Variants in PRPF40B observed in about 807,000 individuals in gnomAD.
The protein encoded by PRPF40B is pre-mRNA processing factor 40B, also known as pre-mRNA-processing factor 40 homolog B.
PRPF40B carries 56 observed loss-of-function variants against 124.5 expected under a neutral mutation model. The observed-to-expected ratio is 0.45, with a 90% confidence interval of 0.36 to 0.56. The LOEUF (loss-of-function observed/expected upper bound fraction) is 0.56. Among genes scored for constraint, PRPF40B ranks in the 20% least tolerant of loss-of-function variants. The probability of loss-of-function intolerance (pLI) is 0.00; values close to 1 mark genes in which losing one functional copy is unlikely to be tolerated. For missense variants in PRPF40B, 1,053 were observed against 1,169.5 expected (o/e 0.90, Z 1.45); for synonymous variants, 443 against 426.4 (o/e 1.04, Z -0.48).
At position 49,637,460 on chromosome 12, in the gene PRPF40B, C is replaced by G; in HGVS notation, c.1561-10C>G. ...CTCACTCTCCCTATAACTGGCCTCT[C>G]CCTGCTCAGACCTTCCTGGACGAGC... On this transcript the variant is annotated splice_polypyrimidine_tract_variant and intron_variant, in intron 16 of 25. Coordinates refer to ENST00000548825, the MANE Select transcript of PRPF40B (RefSeq NM_001031698.3). 2 of 1,607,418 alleles carry G rather than the reference C, an allele frequency of 1.2e-6. No homozygotes were observed. The highest frequency in any genetic ancestry group is 1.7e-6 in the Non-Finnish European group (2 of 1,175,314).
At chr12:49,632,674 A>C (rs768093779) in intron 5 of PRPF40B, 51 bp downstream of exon 5, 1 of 1,606,466 alleles carries the variant, frequency 6.2e-7, no homozygotes, top group Non-Finnish European at 8.5e-7. Context: ...TGGGGGGCAT[A>C]GGGGAGAGGG....
In PRPF40B at chr12:49,632,996, G is replaced by GGGGGGGGGGC; in HGVS notation, c.349-18_349-17insGGGGGGGGGC. ...AAAGGGGCCTTGACCACCATTCTGT[G>GGGGGGGGGGC]CCCCCCCCCCCACCCAGAGGGCCCT... On this transcript the variant is annotated splice_polypyrimidine_tract_variant and intron_variant, in intron 6 of 25. Coordinates refer to ENST00000548825, the MANE Select transcript of PRPF40B (RefSeq NM_001031698.3). The GGGGGGGGGGC allele has an allele frequency of 1.1e-5, 13 of 1,147,378 alleles. No individual in the cohort carries two copies. The highest frequency in any genetic ancestry group is 1.5e-5 in the Non-Finnish European group (12 of 822,992). The allele number at this position is 1,147,378 out of a possible 1,614,324, so 71.1% of individuals were successfully genotyped here.
At chr12:49,636,627 G>A in intron 15 of PRPF40B, 89 bp from the exon 16 acceptor site, 2 of 1,575,726 alleles carry the variant, frequency 1.3e-6, no homozygotes, top group Non-Finnish European at 1.7e-6. Flanking sequence ...AGCACCTGTA[G>A]GACAGCATCG....
In PRPF40B at chr12:49,633,442, T is replaced by C. The variant is rs767092050; in HGVS notation, c.475T>C (p.Cys159Arg). 3.1e-6 allele frequency: 5 copies of C among 1,614,054 alleles called. No individual in the cohort carries two copies. The highest frequency in any genetic ancestry group is 4.2e-6 in the Non-Finnish European group (5 of 1,180,026). Reference protein sequence around the residue: ...KSKAELLLSQCPWKEYKSDTG... With the variant: ...KSKAELLLSQRPWKEYKSDTG... ...CCACTTGCAGCTGCTCCTGTCCCAA[T>C]GTCCCTGGAAAGAGTACAAGTCGGA... The change falls in exon 8 of 26, where the codon TGT becomes CGT. Residue 159 changes from cysteine to arginine, a missense_variant. Coordinates refer to ENST00000548825, the MANE Select transcript of PRPF40B (RefSeq NM_001031698.3).
chr12:49,623,577 T>C lies in PRPF40B; in HGVS notation c.-14T>C. The C allele has an allele frequency of 5.7e-6, 7 of 1,235,374 alleles. No individual in the cohort carries two copies. The highest frequency in any genetic ancestry group is 7.1e-6 in the Non-Finnish European group (7 of 990,168). The allele number at this position is 1,235,374 out of a possible 1,614,324, so 76.5% of individuals were successfully genotyped here. The stretch of plus-strand genomic sequence containing the variant: ...GGGTGGGCTGAGCCGGCCCAGCTGC[T>C]CGGAGGCTCTGGCATGGTAACATCC... On this transcript the variant is annotated 5_prime_UTR_variant, in exon 1 of 26. Coordinates refer to ENST00000548825, the MANE Select transcript of PRPF40B (RefSeq NM_001031698.3).
Position 49,631,999 on chromosome 12 carries a change from T to TA in PRPF40B, c.294+74_294+75insA. ...GAGTCTGACTTGGAATGCAGGACTA[T>TA]GACCTCCATTCTTTCCCTCTTCTCA... On this transcript the variant is annotated intron_variant, in intron 4 of 25. Transcript: ENST00000548825. The surrounding 1 kb of genome is among the most constrained non-coding windows in gnomAD (Gnocchi z 4.3). 1 of 1,391,952 alleles carries TA rather than the reference T, an allele frequency of 7.2e-7. No homozygotes were observed. Among genetic ancestry groups the TA allele is most frequent in the Non-Finnish European group, 1.0e-6 (1 of 980,274 alleles). The allele number at this position is 1,391,952 out of a possible 1,614,324, so 86.2% of individuals were successfully genotyped here. A position where few individuals can be genotyped will look rare whatever the true frequency, so the allele number is the denominator to read the frequency against.
Position 49,644,127 on chromosome 12 carries a change from C to G in PRPF40B, c.2614C>G (p.Leu872Val). The change falls in exon 26 of 26, where the codon CTG becomes GTG. Residue 872 changes from leucine (L) to valine (V), a missense_variant. By Grantham distance (32) the Leu-to-Val change is conservative. This residue lies in a region of PRPF40B where 895 missense variants were observed against 1,052.2 expected (regional missense o/e 0.85). Transcript: ENST00000548825. ...AGGCTGGGACACGTCAGAAAGTGAG[C>G]TGAGTGAGGGTGAGCTGGAGAGGCG... ...KTGWDTSESE[L>V]SEGELERRRR... 2.5e-6 allele frequency: 4 copies of G among 1,614,166 alleles called. No homozygotes were observed. The highest frequency in any genetic ancestry group is 3.4e-6 in the Non-Finnish European group (4 of 1,180,042).
Position 49,634,071 on chromosome 12 carries a change from A to G in PRPF40B, c.791A>G (p.Gln264Arg). Residue 264 changes from glutamine (Q) to arginine (R), a missense_variant, in exon 10 of 26, where the codon CAG (glutamine) becomes CGG (arginine). Transcript: ENST00000548825. ...TQPLEQGFLQ[Q>R]LEEGPSSSGQ... is the part of the protein sequence containing the mutation. ...CCCCTGGAACAGGGGTTCCTGCAGC[A>G]GCTGGAGGAGGGCCCCAGCAGGTGA... 2 of 1,612,978 alleles carry G rather than the reference A, an allele frequency of 1.2e-6. No individual in the cohort carries two copies. The highest frequency in any genetic ancestry group is 1.7e-6 in the Non-Finnish European group (2 of 1,179,848).
At chr12:49,636,550 T>G in intron 15 of PRPF40B, 166 bp from the exon 16 acceptor site, 1 of 711,866 alleles carries the variant, frequency 1.4e-6, no homozygotes, top group Non-Finnish European at 2.3e-6. Flanking sequence ...TCTTAAGAAC[T>G]ACCATTGCAG....
At chr12:49,623,015 C>A (rs1365177082), upstream of PRPF40B, among the ~76,000 whole-genome samples, 1 of 151,328 alleles carries the variant, frequency 6.6e-6, no homozygotes, top group Non-Finnish European at 1.5e-5. Context: ...GCGAGAAGCA[C>A]GTGTACGCCC....
intron 15 of PRPF40B, 83 bp from the exon 16 acceptor site, chr12:49,636,633 C>T: frequency 6.3e-7 from 1 of 1,583,580 alleles, no homozygotes; most frequent in Non-Finnish European, 8.6e-7. Context: ...TGTAGGACAG[C>T]ATCGTTGAAA....
intron 18 of PRPF40B, 125 bp from the exon 19 acceptor site, chr12:49,641,783 C>G: frequency 1.3e-6 from 1 of 742,732 alleles, no homozygotes; most frequent in Non-Finnish European, 2.3e-6. Flanking sequence ...TAATGCAGAC[C>G]ACAGTCCTGT....
Position 49,628,404 on chromosome 12 carries a change from G to T in PRPF40B, c.4-2141G>T, listed in dbSNP as rs574998328. ...GCCTCCCCAGTAGCTGAGACTACAG[G>T]CGTGTGCCACCACACCTGGCTAATT... On this transcript the variant is annotated intron_variant, in intron 1 of 25. Coordinates refer to ENST00000548825, the MANE Select transcript of PRPF40B (RefSeq NM_001031698.3). Among the ~76,000 whole-genome samples the T allele has an allele frequency of 2.6e-5, 4 of 152,098 alleles. No individual in the cohort carries two copies. The East Asian group carries it at 7.7e-4, about 29-fold the overall frequency.
intron 22 of PRPF40B, 21 bp from the exon 23 acceptor site, chr12:49,643,202 T>C (rs1293006179): frequency 1.4e-5 from 22 of 1,613,508 alleles, no homozygotes; most frequent in East Asian, 2.2e-5. Context: ...TGCACTGACA[T>C]GTATCTGCTG....
chr12:49,630,087 C>T (rs1402193837), intron 1 of PRPF40B, among the ~76,000 whole-genome samples: 1 of 152,186 alleles, frequency 6.6e-6, no homozygotes, highest in Non-Finnish European at 1.5e-5. Flanking sequence ...GAGCTTTGGA[C>T]TGAATCTCTG....
rs759127357 is a variant in PRPF40B, at chr12:49,636,791, G to A, written c.1502G>A (p.Arg501Gln). Reference sequence around the variant, plus strand: ...TTGGAGAGGGAAGAGGAGGAGGAACGGGAGCGGGCCCGGCTTCGGGAGCGA... The same window carrying A: ...TTGGAGAGGGAAGAGGAGGAGGAACAGGAGCGGGCCCGGCTTCGGGAGCGA... ...RALEREEEEERERARLRERRQ... is the reference protein window; with the variant it reads ...RALEREEEEEQERARLRERRQ... The change falls in exon 16 of 26, where the codon CGG becomes CAG. Residue 501 changes from arginine (R) to glutamine (Q), a missense_variant. Around this residue, in one of 2 missense-constraint regions of PRPF40B, gnomAD observed 895 missense variants for 1,052.2 expected, o/e 0.85. Coordinates refer to ENST00000548825, the MANE Select transcript of PRPF40B (RefSeq NM_001031698.3). 6.8e-6 allele frequency: 11 copies of A among 1,614,120 alleles called. No homozygotes were observed. The highest frequency in any genetic ancestry group is 1.7e-5 in the Admixed American group (1 of 60,010).
intron 1 of PRPF40B, among the ~76,000 whole-genome samples, chr12:49,628,087 C>T (rs1277226870): frequency 6.6e-6 from 1 of 152,108 alleles, no homozygotes; most frequent in Non-Finnish European, 1.5e-5. Flanking sequence ...AATTGTATTT[C>T]CTCCACTATT....
chr12:49,623,914 T>G, intron 1 of PRPF40B: 48 of 1,093,054 alleles, frequency 4.4e-5, no homozygotes, highest in East Asian at 2.1e-4. Context: ...AGGGCGGAGA[T>G]GAGGGGACTG....
intron 1 of PRPF40B, among the ~76,000 whole-genome samples, chr12:49,628,248 AGTTTGTT>A (rs1218208622): frequency 6.6e-6 from 1 of 152,132 alleles, no homozygotes; most frequent in East Asian, 1.9e-4. Flanking sequence ...GATGAAGGAC[AGTTTGTT>A]GTTGTTGTTG....
Sources: gnomAD v4.1 joint callset for allele counts (sites outside exome capture counted in the v4.1 genomes callset) on GRCh38, gnomAD v4.1.1 for gene constraint, gnomAD v4.1.1 regional missense constraint, Gnocchi (gnomAD v3.1) non-coding constraint, MANE v1.5 for transcripts, NCBI Gene and HGNC (gene_info 2026-07-23, HGNC 2026-07-21) for gene names.